The following DMD variants were observed in gnomAD, a reference collection of about 807,000 sequenced individuals.
The protein encoded by DMD is mutant dystrophin.
A neutral mutation model predicts 330.1 loss-of-function variants in DMD; 63 were observed. The observed-to-expected ratio is 0.19, with a 90% CI of 0.16 to 0.24. The LOEUF is 0.24. Ranked by LOEUF, DMD falls within the 10% of genes least tolerant of loss-of-function variation. The probability of loss-of-function intolerance (pLI) is 1.00; values close to 1 mark genes in which losing one functional copy is unlikely to be tolerated. For synonymous variants in DMD, 1,223 were observed against 959.8 expected, an observed-to-expected ratio of 1.27 and a Z score of -5.07; for missense variants, 3,344 against 2,684.1, an observed-to-expected ratio of 1.25 and a Z score of -5.43.
chrX:31,826,238 A>G (rs1354949839), intron 49 of DMD, among the ~76,000 whole-genome samples: 1 of 111,908 alleles, frequency 8.9e-6, no homozygotes, highest in Admixed American at 9.5e-5. Context: ...TCTAATGTAG[A>G]GGTGGATTTT....
chrX:32,216,186 A>T (rs1367184933), intron 44 of DMD, among the ~76,000 whole-genome samples: 1 of 112,212 alleles, frequency 8.9e-6, no homozygotes, highest in Non-Finnish European at 1.9e-5. Flanking sequence ...GCTAAAAAAG[A>T]TGCAAAAATA....
chrX:33,337,422 T>A (rs1049667208), intron 1 of DMD, among the ~76,000 whole-genome samples: 5 of 111,606 alleles, frequency 4.5e-5, no homozygotes, highest in Non-Finnish European at 9.4e-5. Flanking sequence ...ATTCTGTCAG[T>A]CTTTGAGCTT....
At chrX:31,665,430 C>T (rs747413871) in intron 53 of DMD, among the ~76,000 whole-genome samples, 6 of 111,585 alleles carry the variant, frequency 5.4e-5, no homozygotes, top group Non-Finnish European at 7.5e-5. Flanking sequence ...TGAATTAAAA[C>T]GACCTATAAA....
intron 50 of DMD, among the ~76,000 whole-genome samples, chrX:31,818,165 T>A (rs2092678253): frequency 8.9e-6 from 1 of 112,284 alleles, no homozygotes; most frequent in Non-Finnish European, 1.9e-5. Flanking sequence ...GACATCAATC[T>A]GTAGACTACA....
intron 60 of DMD, among the ~76,000 whole-genome samples, chrX:31,369,318 G>A (rs1033836480): frequency 5.4e-5 from 6 of 111,846 alleles, no homozygotes; most frequent in Admixed American, 9.5e-5. Flanking sequence ...TACTATAGGC[G>A]CATTGTGGAA....
chrX:32,309,753 A>T (rs1213345555), intron 42 of DMD, among the ~76,000 whole-genome samples: 3 of 111,496 alleles, frequency 2.7e-5, no homozygotes, highest in African/African-American at 9.7e-5. Context: ...AACAGAAGTC[A>T]TCCATTAACT....
At chrX:31,467,278 T>G (rs1188450011) in intron 59 of DMD, among the ~76,000 whole-genome samples, 4 of 111,693 alleles carry the variant, frequency 3.6e-5, no homozygotes, top group Admixed American at 2.9e-4. Flanking sequence ...TTTTGCCCAT[T>G]CAGTATGATA....
chrX:31,496,110 T>G (rs6527094), intron 57 of DMD, among the ~76,000 whole-genome samples: 40,054 of 111,108 alleles, frequency 0.36, 5,701 homozygotes, highest in East Asian at 0.56. Flanking sequence ...GGGAAACTAT[T>G]CTATTTTAGA....
At chrX:31,437,827 T>A (rs58960744) in intron 60 of DMD, among the ~76,000 whole-genome samples, 1 of 105,037 alleles carries the variant, frequency 9.5e-6, no homozygotes, top group Non-Finnish European at 1.9e-5. Context: ...TATATATATA[T>A]AACATATACA....
chrX:31,769,768 A>G (rs960528567), intron 51 of DMD, among the ~76,000 whole-genome samples: 2 of 112,196 alleles, frequency 1.8e-5, no homozygotes, highest in Non-Finnish European at 3.8e-5. Context: ...TATTTGCTCT[A>G]TCCTCCAACT....
At chrX:32,818,351 C>T (rs965269694) in intron 5 of DMD, among the ~76,000 whole-genome samples, 4 of 111,323 alleles carry the variant, frequency 3.6e-5, no homozygotes, top group Non-Finnish European at 7.5e-5. Context: ...GCTGTTATTG[C>T]TTCTACTTAG....
At chrX:31,226,853 G>A (rs2046647159) in intron 63 of DMD, among the ~76,000 whole-genome samples, 1 of 111,536 alleles carries the variant, frequency 9.0e-6, no homozygotes, top group Non-Finnish European at 1.9e-5. Context: ...ATGTAGAGAC[G>A]TGGAAATGCA....
intron 44 of DMD, among the ~76,000 whole-genome samples, chrX:32,077,142 TG>T (rs1021937668): frequency 3.6e-5 from 4 of 111,129 alleles, no homozygotes. Flanking sequence ...TGCTTATCCA[TG>T]GGGGTAGCAC....
chrX:31,727,729 C>T (rs2086171418), intron 52 of DMD, among the ~76,000 whole-genome samples: 1 of 112,010 alleles, frequency 8.9e-6, no homozygotes, highest in Non-Finnish European at 1.9e-5. Context: ...GCTAGTGTTA[C>T]TGAAATAATA....
intron 52 of DMD, among the ~76,000 whole-genome samples, chrX:31,700,883 A>C (rs1320843829): frequency 8.9e-6 from 1 of 112,165 alleles, no homozygotes; most frequent in African/African-American, 3.2e-5. Context: ...ACAGAAAAGA[A>C]ACTATCTAGA....
chrX:31,311,991 A>T (rs2055557551), intron 62 of DMD, among the ~76,000 whole-genome samples: 1 of 111,868 alleles, frequency 8.9e-6, no homozygotes, highest in African/African-American at 3.3e-5. Context: ...AAAACCCCAA[A>T]TCCTAAAAAC....
chrX:32,077,799 T>A (rs143695902), intron 44 of DMD, among the ~76,000 whole-genome samples: 3,043 of 111,698 alleles, frequency 0.027, 62 homozygotes, highest in East Asian at 0.13. Flanking sequence ...AATAGTCACT[T>A]ATCTTTTCAT....
intron 32 of DMD, among the ~76,000 whole-genome samples, chrX:32,388,341 C>CTTTTTTTTTTTTTTTTTTTTT (rs3044988): frequency 1.7e-4 from 13 of 78,541 alleles, no homozygotes; most frequent in African/African-American, 6.3e-4. Context: ...TTATGCTTTC[C>CTTTTTTTTTTTTTTTTTTTTT]TTTTTTTTTT....
intron 1 of DMD, among the ~76,000 whole-genome samples, chrX:33,136,140 C>A (rs1429055208): frequency 9.1e-6 from 1 of 110,040 alleles, no homozygotes. Flanking sequence ...CGTAGTGAGA[C>A]CTTGTCTCTA....
Sources: gnomAD v4.1 joint callset for allele counts (sites outside exome capture counted in the v4.1 genomes callset) on GRCh38, gnomAD v4.1.1 for gene constraint, MANE v1.5 for transcripts, NCBI Gene and HGNC (gene_info 2026-07-23, HGNC 2026-07-21) for gene names.